ZMYM4: variants seen among roughly 807,000 people sequenced by gnomAD.
The protein encoded by ZMYM4 is zinc finger MYM-type containing 4, also known as zinc finger MYM-type protein 4.
In ZMYM4, 31 loss-of-function variants were observed where a neutral mutation model predicts 183.2. The observed-to-expected ratio is 0.17, with a 90% confidence interval of 0.13 to 0.23. ZMYM4 has a LOEUF of 0.23. Among genes scored for constraint, ZMYM4 ranks in the 10% least tolerant of loss-of-function variants. The probability of loss-of-function intolerance (pLI) is 1.00; values close to 1 mark genes in which losing one functional copy is unlikely to be tolerated. For missense variants in ZMYM4, 1,273 were observed against 1,840.3 expected, an observed-to-expected ratio of 0.69 and a Z score of 5.64; for synonymous variants, 592 against 631.2, an observed-to-expected ratio of 0.94 and a Z score of 0.93.
At chr1:35,312,641 T>C (rs971162990) in intron 1 of ZMYM4, among the ~76,000 whole-genome samples, 2 of 152,082 alleles carry the variant, frequency 1.3e-5, no homozygotes, top group East Asian at 1.9e-4. Flanking sequence ...TTTTCTTTCT[T>C]TTCTTTTTCT....
intron 1 of ZMYM4, among the ~76,000 whole-genome samples, chr1:35,270,502 T>A (rs1639541869): frequency 6.6e-6 from 1 of 152,222 alleles, no homozygotes; most frequent in Non-Finnish European, 1.5e-5. Context: ...CTCACGCCTG[T>A]AATCCCAGCA....
intron 2 of ZMYM4, among the ~76,000 whole-genome samples, chr1:35,356,087 G>A (rs544883689): frequency 6.6e-6 from 1 of 152,300 alleles, no homozygotes; most frequent in East Asian, 1.9e-4. Flanking sequence ...GCATGCGCCT[G>A]TTATCTCAGC....
intron 28 of ZMYM4, 129 bp from the exon 29 acceptor site, chr1:35,418,314 A>ATGAG: frequency 1.1e-6 from 1 of 942,328 alleles, no homozygotes; most frequent in Non-Finnish European, 1.6e-6. Flanking sequence ...TATTTGTTGA[A>ATGAG]TGAGTGTGAG....
chr1:35,331,197 C>G (rs558008022), intron 2 of ZMYM4, among the ~76,000 whole-genome samples: 2 of 152,202 alleles, frequency 1.3e-5, no homozygotes, highest in African/African-American at 4.8e-5. Flanking sequence ...TAAAGGAATA[C>G]TTTCTTTATG....
At chr1:35,376,287 T>C (rs1229295602) in intron 7 of ZMYM4, among the ~76,000 whole-genome samples, 1 of 152,164 alleles carries the variant, frequency 6.6e-6, no homozygotes, top group African/African-American at 2.4e-5. Flanking sequence ...TAAGATGTAA[T>C]CTAATTGGAC....
At chr1:35,361,072 T>C in intron 3 of ZMYM4, 122 bp from the exon 4 acceptor site, 1 of 820,576 alleles carries the variant, frequency 1.2e-6, no homozygotes, top group Non-Finnish European at 1.8e-6. Flanking sequence ...CCCAGTTCAC[T>C]CTAACGAGCA....
chr1:35,349,126 G>T (rs1469763812), intron 2 of ZMYM4, among the ~76,000 whole-genome samples: 2 of 152,228 alleles, frequency 1.3e-5, no homozygotes, highest in East Asian at 1.9e-4. Flanking sequence ...TTCCTGAGTG[G>T]CTGGGATTAC....
At chr1:35,408,451 T>G (rs1639722247) in intron 26 of ZMYM4, among the ~76,000 whole-genome samples, 1 of 152,110 alleles carries the variant, frequency 6.6e-6, no homozygotes, top group African/African-American at 2.4e-5. Flanking sequence ...AAAAGTAACC[T>G]GCAGGGCCAG....
intron 1 of ZMYM4, 50 bp from the exon 2 acceptor site, chr1:35,325,310 T>C (rs1204339487): frequency 1.9e-6 from 3 of 1,543,116 alleles, no homozygotes; most frequent in African/African-American, 1.4e-5. Context: ...AAAGAATGTA[T>C]GATAGAAGAT....
chr1:35,369,828 CTG>C (rs1644165655), intron 5 of ZMYM4, among the ~76,000 whole-genome samples, 199 bp from the exon 6 acceptor site: 1 of 151,624 alleles, frequency 6.6e-6, no homozygotes, highest in African/African-American at 2.4e-5. Context: ...TCATTTTTTT[CTG>C]TCTTACACTC....
intron 5 of ZMYM4, among the ~76,000 whole-genome samples, chr1:35,362,866 G>A (rs1289035189): frequency 6.6e-6 from 1 of 151,768 alleles, no homozygotes; most frequent in Non-Finnish European, 1.5e-5. Flanking sequence ...CCACACTGGC[G>A]AATTAAAAAA....
intron 1 of ZMYM4, among the ~76,000 whole-genome samples, chr1:35,269,919 CATG>C (rs1237169176): frequency 1.3e-5 from 2 of 152,152 alleles, no homozygotes; most frequent in African/African-American, 4.8e-5. Flanking sequence ...CCCCGCTTAG[CATG>C]ATAAGAAGTA....
intron 5 of ZMYM4, among the ~76,000 whole-genome samples, chr1:35,363,993 A>G (rs956281072): frequency 6.6e-6 from 1 of 152,206 alleles, no homozygotes; most frequent in Non-Finnish European, 1.5e-5. Context: ...CAAATACAAT[A>G]GGGGTAGAGA....
intron 26 of ZMYM4, 30 bp from the exon 27 acceptor site, chr1:35,413,942 C>T: frequency 8.2e-7 from 1 of 1,219,778 alleles, no homozygotes; most frequent in Non-Finnish European, 1.2e-6. Context: ...TTTTTATCAA[C>T]ATGTATATTT....
At position 35,397,513 on chromosome 1, in the gene ZMYM4, A is replaced by C. The variant is rs1225508398; in HGVS notation, c.3167A>C (p.Glu1056Ala). 1.2e-6 allele frequency: 2 copies of C among 1,613,118 alleles called. No individual in the cohort carries two copies. The highest frequency in any genetic ancestry group is 1.7e-6 in the Non-Finnish European group (2 of 1,179,524). Residue 1056 changes from glutamate (E) to alanine (A), a missense_variant, in exon 20 of 30, where the codon GAA becomes GCA. By Grantham distance (107) the Glu-to-Ala change is moderately radical (BLOSUM62 -1). Transcript: ENST00000314607. ...CTTGAGATGGCAGAAATGATTGCAG[A>C]AGATGAAGAGAAGAAGACTCTATCT... Reference protein sequence around the residue: ...DLLEMAEMIAEDEEKKTLSQG... With the variant: ...DLLEMAEMIAADEEKKTLSQG...
intron 1 of ZMYM4, among the ~76,000 whole-genome samples, chr1:35,309,510 T>G (rs1217022380): frequency 6.6e-6 from 1 of 152,196 alleles, no homozygotes; most frequent in Non-Finnish European, 1.5e-5. Context: ...CATTTATATG[T>G]GTATAATGAT....
chr1:35,401,848 C>T (rs886510654), intron 23 of ZMYM4, among the ~76,000 whole-genome samples: 2 of 151,998 alleles, frequency 1.3e-5, no homozygotes, highest in Non-Finnish European at 2.9e-5. Flanking sequence ...CCAGCACTGC[C>T]CTTGAAAAAG....
intron 11 of ZMYM4, 22 bp downstream of exon 11, chr1:35,386,211 T>A: frequency 6.4e-7 from 1 of 1,562,808 alleles, no homozygotes; most frequent in Non-Finnish European, 8.8e-7. Context: ...GGAACCTTCC[T>A]CTTCTTCAGT....
chr1:35,303,199 G>A (rs867308911), intron 1 of ZMYM4, among the ~76,000 whole-genome samples: 1 of 151,394 alleles, frequency 6.6e-6, no homozygotes. Flanking sequence ...TGAGGTGGGA[G>A]GATCAGTTGA....
Sources: gnomAD v4.1 joint callset for allele counts (sites outside exome capture counted in the v4.1 genomes callset) on GRCh38, gnomAD v4.1.1 for gene constraint, MANE v1.5 for transcripts, NCBI Gene and HGNC (gene_info 2026-07-23, HGNC 2026-07-21) for gene names.